The following EIF4B variants were observed in gnomAD, a reference collection of about 807,000 sequenced individuals.
EIF4B encodes the protein eukaryotic translation initiation factor 4B.
Under a neutral mutation model 79.3 loss-of-function variants are expected in EIF4B, and 8 were observed. That is an observed-to-expected ratio of 0.10 (90% CI 0.06 to 0.18). The LOEUF (loss-of-function observed/expected upper bound fraction) is 0.18, where lower values mean the gene tolerates loss of function less well. EIF4B is among the 10% of genes least tolerant of loss of function. The pLI, the probability that EIF4B is intolerant of heterozygous loss-of-function variation, is 1.00. For missense variants in EIF4B, 515 were observed against 792.4 expected, an observed-to-expected ratio of 0.65 and a Z score of 4.20; for synonymous variants, 238 against 274.7, an observed-to-expected ratio of 0.87 and a Z score of 1.32.
At chr12:53,038,335 G>T in intron 11 of EIF4B, 21 bp from the exon 12 acceptor site, 1 of 1,566,244 alleles carries the variant, frequency 6.4e-7, no homozygotes, top group South Asian at 1.2e-5. Context: ...TGATGAATGT[G>T]ATTACCTGTT....
intron 1 of EIF4B, chr12:53,011,984 C>T (rs1158635349): frequency 6.6e-6 from 1 of 152,164 alleles, no homozygotes; most frequent in Non-Finnish European, 1.5e-5. Flanking sequence ...CAGTGCTTTA[C>T]TTATAAAGCA....
chr12:53,036,848 G>T (rs1592228799), intron 10 of EIF4B, among the ~76,000 whole-genome samples: 1 of 152,038 alleles, frequency 6.6e-6, no homozygotes, highest in African/African-American at 2.4e-5. Context: ...GCCACATCCA[G>T]CTAATTTGTC....
In EIF4B at chr12:53,039,700, T is replaced by G. The variant is rs1565594381; in HGVS notation, c.1753T>G (p.Ser585Ala). The G allele has an allele frequency of 6.2e-7, 1 of 1,613,594 alleles. No individual in the cohort carries two copies. The highest frequency in any genetic ancestry group is 8.5e-7 in the Non-Finnish European group (1 of 1,179,750). The change falls in exon 14 of 15, where the codon TCC (serine) becomes GCC (alanine). Residue 585 changes from serine to alanine, a missense_variant and splice_region_variant. By Grantham distance (99) the Ser-to-Ala change is moderately conservative (BLOSUM62 1). This residue lies in a region of EIF4B where 60 missense variants were observed against 56.7 expected (regional missense o/e 1.06). Transcript: ENST00000262056. ...EPKKPEENPA[S>A]KFSSASKYAA... ...AAAGAAACCTGAGGAAAATCCAGCT[T>G]CCGTAAGTGTTGAAGGCTGCTCCCA...
chr12:53,040,105 A>G (rs746301395), intron 14 of EIF4B, 38 bp from the exon 15 acceptor site: 35 of 1,610,442 alleles, frequency 2.2e-5, no homozygotes, highest in Non-Finnish European at 8.5e-6. Flanking sequence ...GTGATAATTC[A>G]GGGCCTTCAT....
intron 12 of EIF4B, chr12:53,038,900 G>T: frequency 4.6e-6 from 1 of 215,184 alleles, no homozygotes; most frequent in South Asian, 9.0e-5. Context: ...ATGAAACCCT[G>T]CCCTTTCCTG....
At chr12:53,013,469 C>G (rs1239785711) in intron 1 of EIF4B, 1 of 152,146 alleles carries the variant, frequency 6.6e-6, no homozygotes, top group East Asian at 1.9e-4. Flanking sequence ...TACTCGTGTT[C>G]GCTTATTAAA....
chr12:53,022,264 CCCA>C (rs1565587336), intron 5 of EIF4B: 1 of 710,796 alleles, frequency 1.4e-6, no homozygotes, highest in East Asian at 2.8e-5. Flanking sequence ...GGACTCCTGG[CCCA>C]TACAGAATTT....
At chr12:53,025,279 T>A (rs1042068675) in intron 6 of EIF4B, 4 of 455,374 alleles carry the variant, frequency 8.8e-6, no homozygotes, top group African/African-American at 8.0e-5. Context: ...GGGTCCTGTT[T>A]TGAGTCCAGG....
intron 6 of EIF4B, 74 bp downstream of exon 6, chr12:53,022,701 A>G: frequency 6.6e-7 from 1 of 1,523,688 alleles, no homozygotes; most frequent in Non-Finnish European, 8.8e-7. Flanking sequence ...AATGTGTTAC[A>G]GATGATCAGA....
In EIF4B at chr12:53,037,884, C is replaced by T. The variant is rs987777051; in HGVS notation, c.1520+262C>T. 31 of 488,682 alleles carry T rather than the reference C, an allele frequency of 6.3e-5. No individual in the cohort carries two copies. In the East Asian group the frequency reaches 1.1e-3, roughly 18 times the overall value. The allele number at this position is 488,682 out of a possible 1,614,324, so 30.3% of individuals were successfully genotyped here. A position where few individuals can be genotyped will look rare whatever the true frequency, so the allele number is the denominator to read the frequency against. ...TGCAAATACTGTAAGTCAGAGGCTTCCCTTTTGCCACATATTGGCAGTATG... is the reference window on the plus strand; with the variant it reads ...TGCAAATACTGTAAGTCAGAGGCTTTCCTTTTGCCACATATTGGCAGTATG... On this transcript the variant is annotated intron_variant, in intron 11 of 14. Transcript: ENST00000262056.
At chr12:53,031,721 G>C (rs916500740) in intron 8 of EIF4B, among the ~76,000 whole-genome samples, 6 of 152,186 alleles carry the variant, frequency 3.9e-5, no homozygotes, top group Non-Finnish European at 7.4e-5. Flanking sequence ...AGAAAATTTA[G>C]ATCTTGTTAA....
chr12:53,039,876 G>A (rs937131901), intron 14 of EIF4B, 174 bp downstream of exon 14: 25 of 804,936 alleles, frequency 3.1e-5, no homozygotes, highest in African/African-American at 1.9e-4. Flanking sequence ...CTGAAATAGC[G>A]AAAGAAGTTT....
chr12:53,016,485 A>T lies in EIF4B; in HGVS notation c.26A>T (p.Asn9Ile). The T allele has an allele frequency of 6.2e-7, 1 of 1,612,478 alleles. No individual in the cohort carries two copies. Among genetic ancestry groups the T allele is most frequent in the Non-Finnish European group, 8.5e-7 (1 of 1,179,866 alleles). ...CCTTTTAAAACAGCAAAAAAGAAGA[A>T]TAAGAAGGGGAAGACTATCTCCCTA... MAASAKKK[N>I]KKGKTISLTD... The change falls in exon 2 of 15, where the codon AAT becomes ATT. Residue 9 changes from asparagine (N) to isoleucine (I), a missense_variant. Coordinates refer to ENST00000262056, the MANE Select transcript of EIF4B (RefSeq NM_001417.7).
At chr12:53,039,004 C>G in intron 12 of EIF4B, 1 of 394,290 alleles carries the variant, frequency 2.5e-6, no homozygotes, top group Non-Finnish European at 4.6e-6. Flanking sequence ...GCTTGCTTTT[C>G]ATGATGGCAT....
intron 10 of EIF4B, among the ~76,000 whole-genome samples, chr12:53,035,582 A>G (rs1943527221): frequency 6.6e-6 from 1 of 151,764 alleles, no homozygotes; most frequent in African/African-American, 2.4e-5. Context: ...GTTAGCCAGG[A>G]TGGTCTCAAT....
At chr12:53,015,697 G>T (rs1403282443) in intron 1 of EIF4B, among the ~76,000 whole-genome samples, 10 of 149,730 alleles carry the variant, frequency 6.7e-5, no homozygotes, top group Non-Finnish European at 1.3e-4. Flanking sequence ...AAAAAATGGG[G>T]CCGGGTGTGG....
At chr12:53,009,739 A>ATCCTCTG (rs1943031798) in intron 1 of EIF4B, among the ~76,000 whole-genome samples, 1 of 152,186 alleles carries the variant, frequency 6.6e-6, no homozygotes, top group Non-Finnish European at 1.5e-5. Context: ...TCCATCCTCT[A>ATCCTCTG]TCATGTATAT....
At chr12:53,030,272 T>C (rs1033844489) in intron 8 of EIF4B, among the ~76,000 whole-genome samples, 1 of 136,350 alleles carries the variant, frequency 7.3e-6, no homozygotes, top group African/African-American at 2.6e-5. Flanking sequence ...CCCCGTGTCT[T>C]AGGAGACTGA....
At chr12:53,032,870 C>T (rs889656480) in intron 8 of EIF4B, among the ~76,000 whole-genome samples, 9 of 151,948 alleles carry the variant, frequency 5.9e-5, no homozygotes, top group African/African-American at 2.2e-4. Flanking sequence ...GGGGTTTCTC[C>T]ATATTGGTCA....
Sources: allele counts gnomAD v4.1 joint callset (sites outside exome capture counted in the v4.1 genomes callset), GRCh38; gene constraint gnomAD v4.1.1; regional missense constraint gnomAD v4.1.1; transcripts MANE v1.5; gene names NCBI Gene and HGNC (gene_info 2026-07-23, HGNC 2026-07-21).